Variants in BEST3 observed in about 807,000 individuals in gnomAD.
The protein encoded by BEST3 is bestrophin 3.
In BEST3, 50 loss-of-function variants were observed where a neutral mutation model predicts 47.1. That is an observed-to-expected ratio of 1.06 (90% CI 0.85 to 1.34). The LOEUF is 1.34. Among genes scored for constraint, BEST3 ranks in the 40% most tolerant of loss-of-function variants. The pLI, the probability that BEST3 is intolerant of heterozygous loss-of-function variation, is 0.00. For missense variants in BEST3, 765 were observed against 817.0 expected (o/e 0.94, Z 0.78); for synonymous variants, 282 against 298.8 (o/e 0.94, Z 0.58).
At chr12:69,670,296 G>T (rs756121031) in intron 9 of BEST3, 1 of 606,668 alleles carries the variant, frequency 1.6e-6, no homozygotes, top group Non-Finnish European at 3.0e-6. Flanking sequence ...CTGGGTGGGT[G>T]GGTCTGGTCT....
intron 4 of BEST3, among the ~76,000 whole-genome samples, chr12:69,686,675 G>A (rs1209720289): frequency 1.3e-5 from 2 of 149,910 alleles, no homozygotes; most frequent in Admixed American, 6.8e-5. Flanking sequence ...GGGCAGCTGA[G>A]GCAGAAGAAG....
rs529022962 is a variant in BEST3 at position 69,678,276 on chromosome 12, A to G, written c.636+463T>C. Among the ~76,000 whole-genome samples, 16 of 152,286 alleles carry G rather than the reference A, an allele frequency of 1.1e-4. 1 individual carries two copies. In the South Asian group the frequency reaches 3.1e-3, roughly 30 times the overall value. ...GATGATTTCAGGGTTATTTTGATTAATGAAAATACTATTTTACTTACTAGA... is the reference window on the plus strand; with the variant it reads ...GATGATTTCAGGGTTATTTTGATTAGTGAAAATACTATTTTACTTACTAGA... On this transcript the variant is annotated intron_variant, in intron 5 of 9. Transcript: ENST00000330891.
chr12:69,684,024 T>C (rs940373507), intron 4 of BEST3: 2 of 152,476 alleles, frequency 1.3e-5, no homozygotes, highest in East Asian at 1.9e-4. Context: ...GCTGAGGCTG[T>C]GCTAATTATA....
At chr12:69,657,828 C>A (rs1883603173) in intron 9 of BEST3, among the ~76,000 whole-genome samples, 2 of 152,184 alleles carry the variant, frequency 1.3e-5, no homozygotes, top group African/African-American at 2.4e-5. Context: ...GGACGGCGTT[C>A]GATTACAACC....
chr12:69,669,062 C>A (rs1248278098), intron 9 of BEST3, among the ~76,000 whole-genome samples: 1 of 152,136 alleles, frequency 6.6e-6, no homozygotes, highest in Non-Finnish European at 1.5e-5. Context: ...CAAAGCTAGG[C>A]TCGTCTCTGG....
At chr12:69,671,358 T>G in intron 9 of BEST3, 70 bp downstream of exon 9, 1 of 1,168,652 alleles carries the variant, frequency 8.6e-7, no homozygotes, top group Non-Finnish European at 1.2e-6. Flanking sequence ...TTTTTTTTTT[T>G]TATAGAGACA....
At chr12:69,691,265 C>G (rs530872291) in intron 4 of BEST3, among the ~76,000 whole-genome samples, 8 of 152,176 alleles carry the variant, frequency 5.3e-5, no homozygotes, top group Admixed American at 1.3e-4. Context: ...ATCCTCATAA[C>G]AAGCCTATGG....
intron 6 of BEST3, 33 bp from the exon 7 acceptor site, chr12:69,677,101 G>A (rs758498539): frequency 1.2e-6 from 2 of 1,614,014 alleles, no homozygotes; most frequent in Non-Finnish European, 1.7e-6. Context: ...TGAGGGGACA[G>A]TGCTGGCCTC....
At chr12:69,649,521 G>C (rs185430889), downstream of BEST3, among the ~76,000 whole-genome samples, 73 of 152,324 alleles carry the variant, frequency 4.8e-4, no homozygotes, top group Non-Finnish European at 1.8e-4. Context: ...GCCTGTTGCT[G>C]GGCTAATCTG....
chr12:69,688,888 T>C (rs994241180), intron 4 of BEST3, among the ~76,000 whole-genome samples: 2 of 152,034 alleles, frequency 1.3e-5, no homozygotes, highest in Non-Finnish European at 2.9e-5. Context: ...TCTCTGGGAG[T>C]GGTATCGTGG....
chr12:69,653,817 G>T lies in BEST3; in HGVS notation c.*1090C>A. 1 of 985,418 alleles carries T rather than the reference G, an allele frequency of 1.0e-6. No homozygotes were observed. The highest frequency in any genetic ancestry group is 4.7e-5 in the South Asian group (1 of 21,280). The allele number at this position is 985,418 out of a possible 1,614,324, so 61.0% of individuals were successfully genotyped here. A position where few individuals can be genotyped will look rare whatever the true frequency, so the allele number is the denominator to read the frequency against. ...ATTAGCCTCCCAGCTCCAGTATCCT[G>T]CCCATTCCCAAATGACCCGATAGAC... On this transcript the variant is annotated 3_prime_UTR_variant, in exon 10 of 10. Transcript: ENST00000330891.
chr12:69,666,612 T>C (rs1884238932), intron 9 of BEST3, among the ~76,000 whole-genome samples: 1 of 152,168 alleles, frequency 6.6e-6, no homozygotes, highest in Non-Finnish European at 1.5e-5. Flanking sequence ...AGTAATAGTA[T>C]TCTACCCTTC....
At chr12:69,668,923 C>T (rs186694539) in intron 9 of BEST3, among the ~76,000 whole-genome samples, 3 of 152,174 alleles carry the variant, frequency 2.0e-5, no homozygotes, top group Admixed American at 2.0e-4. Context: ...TGCCATTTTG[C>T]CATTTTTGCC....
intron 7 of BEST3, among the ~76,000 whole-genome samples, chr12:69,674,086 A>C (rs1884750259): frequency 6.6e-6 from 1 of 151,996 alleles, no homozygotes. Flanking sequence ...CGTGAGAGAG[A>C]GAGACAGGGA....
Position 69,655,219 on chromosome 12 carries a change from C to T in BEST3, c.1695G>A (p.Gln565=). The T allele has an allele frequency of 6.2e-7, 1 of 1,614,154 alleles. No individual in the cohort carries two copies. The highest frequency in any genetic ancestry group is 8.5e-7 in the Non-Finnish European group (1 of 1,180,016). ...TTTCCTCAGCGCTGGCTGAAACTGTCTGGGGACTGGGGCCTCCAGGAGGTG... is the reference window on the plus strand; with the variant it reads ...TTTCCTCAGCGCTGGCTGAAACTGTTTGGGGACTGGGGCCTCCAGGAGGTG... ...KETPPGGPSP[Q]TVSASAEENI... is the part of the protein sequence containing the mutation. The change falls in exon 10 of 10, where the codon CAG becomes CAA. Residue 565 remains glutamine, a synonymous_variant. Coordinates refer to ENST00000330891, the MANE Select transcript of BEST3 (RefSeq NM_032735.3).
chr12:69,686,779 C>CAAAAAAAAAAAAAAAAA (rs71094728), intron 4 of BEST3, among the ~76,000 whole-genome samples: 10 of 99,378 alleles, frequency 1.0e-4, no homozygotes, highest in South Asian at 2.8e-4. Flanking sequence ...CTCAAAAAAA[C>CAAAAAAAAAAAAAAAAA]AAAAAAAAAA....
At chr12:69,670,168 C>T (rs1884467866) in intron 9 of BEST3, 10 of 326,158 alleles carry the variant, frequency 3.1e-5, no homozygotes, top group Non-Finnish European at 5.2e-5. Context: ...GTCCATGAAG[C>T]TCTGCCCCTG....
At chr12:69,663,006 G>C (rs928433200) in intron 9 of BEST3, among the ~76,000 whole-genome samples, 2 of 152,158 alleles carry the variant, frequency 1.3e-5, no homozygotes, top group Admixed American at 1.3e-4. Flanking sequence ...TGGATAGTTT[G>C]TTAGGGTTTT....
downstream of BEST3, among the ~76,000 whole-genome samples, chr12:69,651,922 T>A (rs1260917116): frequency 2.0e-5 from 3 of 152,180 alleles, no homozygotes; most frequent in African/African-American, 7.2e-5. Flanking sequence ...ATTTTACATT[T>A]CTCCATTCCA....
Sources: gnomAD v4.1 joint callset for allele counts (sites outside exome capture counted in the v4.1 genomes callset) on GRCh38, gnomAD v4.1.1 for gene constraint, MANE v1.5 for transcripts, NCBI Gene and HGNC (gene_info 2026-07-23, HGNC 2026-07-21) for gene names.